HAO2: variants seen among roughly 807,000 people sequenced by gnomAD.
HAO2 encodes the protein 2-Hydroxyacid oxidase 2.
HAO2 carries 42 observed loss-of-function variants against 37.4 expected under a neutral mutation model. That is an observed-to-expected ratio of 1.12 (90% CI 0.88 to 1.45). The LOEUF is 1.45. Ranked by LOEUF, HAO2 falls within the 40% of genes most tolerant of loss-of-function variation. The pLI is 0.00. For missense variants in HAO2, 476 were observed against 430.2 expected (o/e 1.11, Z -0.94); for synonymous variants, 180 against 162.8 (o/e 1.11, Z -0.81).
chr1:119,376,311 G>T (rs1252145383), intron 1 of HAO2, among the ~76,000 whole-genome samples: 4 of 152,190 alleles, frequency 2.6e-5, no homozygotes, highest in Non-Finnish European at 5.9e-5. Flanking sequence ...TGATCTTTTT[G>T]ACTCCATATC....
At chr1:119,379,828 TCTGGCTTGACAGATC>T (rs1223912695) in intron 1 of HAO2, among the ~76,000 whole-genome samples, 1 of 152,126 alleles carries the variant, frequency 6.6e-6, no homozygotes, top group East Asian at 1.9e-4. Context: ...TTCAACAGAA[TCTGGCTTGACAGATC>T]CTGGCTTGAC....
intron 2 of HAO2, 145 bp from the exon 3 acceptor site, chr1:119,382,770 T>C (rs1650054532): frequency 3.0e-6 from 2 of 665,354 alleles, no homozygotes; most frequent in South Asian, 3.9e-5. Context: ...GTTACTCAGC[T>C]CTCAGCCAAC....
intron 1 of HAO2, among the ~76,000 whole-genome samples, chr1:119,373,895 G>T (rs142090313): frequency 6.6e-6 from 1 of 152,112 alleles, no homozygotes; most frequent in Non-Finnish European, 1.5e-5. Flanking sequence ...ACAAAAAAAG[G>T]GCCATTATGG....
At chr1:119,386,226 GTTTT>G (rs1018685835) in intron 4 of HAO2, among the ~76,000 whole-genome samples, 2 of 151,602 alleles carry the variant, frequency 1.3e-5, no homozygotes, top group African/African-American at 4.9e-5. Context: ...TTGTTTGTTT[GTTTT>G]TGAGACAAGG....
Position 119,392,180 on chromosome 1 carries a change from G to A in HAO2, c.842G>A (p.Arg281Gln), listed in dbSNP as rs375715356. ...KIEVYLDGGVRTGNDVLKALA... is the reference protein window; with the variant it reads ...KIEVYLDGGVQTGNDVLKALA... ...GAAGTCTACCTGGATGGCGGGGTCCGAACTGGCAATGATGTGCTGAAGGCT... is the reference window on the plus strand; with the variant it reads ...GAAGTCTACCTGGATGGCGGGGTCCAAACTGGCAATGATGTGCTGAAGGCT... The change falls in exon 6 of 8, where the codon CGA becomes CAA. Residue 281 changes from arginine (R) to glutamine (Q), a missense_variant. Physicochemically the swap from Arg to Gln is conservative, Grantham distance 43 (BLOSUM62 1). Coordinates refer to ENST00000325945, the MANE Select transcript of HAO2 (RefSeq NM_016527.4). 61 of 1,613,136 alleles carry A rather than the reference G, an allele frequency of 3.8e-5. No individual in the cohort carries two copies. Among genetic ancestry groups the A allele is most frequent in the Middle Eastern group, 1.6e-4 (1 of 6,080 alleles).
chr1:119,376,625 C>T (rs1321826594), intron 1 of HAO2, among the ~76,000 whole-genome samples: 2 of 152,194 alleles, frequency 1.3e-5, no homozygotes, highest in Non-Finnish European at 2.9e-5. Context: ...TAGGGCTCTG[C>T]CCCTTTAAGC....
At chr1:119,380,759 T>C (rs771426519) in intron 1 of HAO2, 2 of 1,375,874 alleles carry the variant, frequency 1.5e-6, no homozygotes, top group African/African-American at 2.8e-5. Flanking sequence ...TGTAATAAGC[T>C]TTTAAGAAGT....
intron 1 of HAO2, among the ~76,000 whole-genome samples, chr1:119,374,652 T>G (rs1282301896): frequency 1.3e-5 from 2 of 152,188 alleles, no homozygotes; most frequent in Non-Finnish European, 2.9e-5. Context: ...CAGCCTACCC[T>G]GCAATTTTCA....
intron 5 of HAO2, among the ~76,000 whole-genome samples, chr1:119,387,245 T>C (rs1328554779): frequency 2.0e-5 from 3 of 152,226 alleles, no homozygotes; most frequent in Non-Finnish European, 2.9e-5. Context: ...ATGTGTCTTT[T>C]GCTAAAATCT....
chr1:119,382,787 C>A, intron 2 of HAO2, 128 bp from the exon 3 acceptor site: 1 of 811,758 alleles, frequency 1.2e-6, no homozygotes, highest in Non-Finnish European at 2.0e-6. Flanking sequence ...CAACTGAACC[C>A]ACCAAGGTTC....
intron 1 of HAO2, 44 bp from the exon 2 acceptor site, chr1:119,381,034 G>C (rs776308021): frequency 6.4e-7 from 1 of 1,571,196 alleles, no homozygotes; most frequent in Non-Finnish European, 8.8e-7. Context: ...TGCATCTGAA[G>C]TGTTCTCACT....
Position 119,374,813 on chromosome 1 carries a change from A to T in HAO2, c.-9+5911A>T, listed in dbSNP as rs148071708. Among the ~76,000 whole-genome samples, 874 of 152,350 alleles carry T rather than the reference A, an allele frequency of 5.7e-3. 10 individuals carry two copies. Among genetic ancestry groups the T allele is most frequent in the African/African-American group, 0.02 (838 of 41,580 alleles). Reference sequence around the variant, plus strand: ...CTTTTTATCTGTCTGGTGTTAAATCAGATTGCAATATTAAAGAAAACCACG... The same window carrying T: ...CTTTTTATCTGTCTGGTGTTAAATCTGATTGCAATATTAAAGAAAACCACG... On this transcript the variant is annotated intron_variant, in intron 1 of 7. Transcript: ENST00000325945.
intron 5 of HAO2, among the ~76,000 whole-genome samples, chr1:119,390,230 T>C (rs587617384): frequency 6.6e-6 from 1 of 152,224 alleles, no homozygotes; most frequent in South Asian, 2.1e-4. Context: ...AAGACATTTT[T>C]ATAGTCCCAG....
intron 5 of HAO2, among the ~76,000 whole-genome samples, chr1:119,387,383 G>T (rs1452406932): frequency 6.6e-6 from 1 of 152,034 alleles, no homozygotes; most frequent in East Asian, 1.9e-4. Context: ...TTGTTGATTT[G>T]TTTTCATTGA....
rs892574503 is a variant in HAO2, at chr1:119,380,856, TTGGGAA to T, written c.-8-204_-8-199del. On this transcript the variant is annotated intron_variant, in intron 1 of 7. Transcript: ENST00000325945. ...ACTCAGAAGGCCAAATAATCAGGAT[TTGGGAA>T]TGGGAATGGGAATGGGAGAATGGAA... 3.5e-4 allele frequency: 255 copies of T among 725,936 alleles called. 1 individual carries two copies. The highest frequency in any genetic ancestry group is 3.2e-3 in the Middle Eastern group (13 of 4,110). 45.0% of individuals were successfully genotyped at this position (725,936 alleles called of 1,614,324 possible).
At chr1:119,393,482 C>G (rs1286240764) in intron 7 of HAO2, among the ~76,000 whole-genome samples, 2 of 152,016 alleles carry the variant, frequency 1.3e-5, no homozygotes, top group Admixed American at 6.6e-5. Context: ...TTATCAGAAC[C>G]AAGATAAAGA....
intron 5 of HAO2, among the ~76,000 whole-genome samples, chr1:119,387,277 C>T (rs1557854166): frequency 6.6e-6 from 1 of 152,006 alleles, no homozygotes; most frequent in Admixed American, 6.6e-5. Context: ...TAATTTTTTC[C>T]CTTAACTCAT....
rs758079829 is a variant in HAO2 at position 119,382,941 on chromosome 1, G to C, written c.158G>C (p.Arg53Thr). 6.2e-7 allele frequency: 1 copy of C among 1,613,830 alleles called. No homozygotes were observed. The highest frequency in any genetic ancestry group is 8.5e-7 in the Non-Finnish European group (1 of 1,179,786). ...KRIRLRPRYL[R>T]DVSEVDTRTT... ...ATTCGCCTCCGTCCGCGGTACCTGA[G>C]AGATGTGTCTGAGGTGGACACCAGA... Residue 53 changes from arginine (R) to threonine (T), a missense_variant, in exon 3 of 8, where the codon AGA becomes ACA. By Grantham distance (71) the Arg-to-Thr change is moderately conservative. Transcript: ENST00000325945.
intron 5 of HAO2, among the ~76,000 whole-genome samples, chr1:119,387,399 A>AT (rs1364429237): frequency 1.3e-5 from 2 of 152,106 alleles, no homozygotes; most frequent in African/African-American, 4.8e-5. Flanking sequence ...ATTGAGTTAT[A>AT]TTTTTTCAAA....
Sources: allele counts gnomAD v4.1 joint callset (sites outside exome capture counted in the v4.1 genomes callset), GRCh38; gene constraint gnomAD v4.1.1; transcripts MANE v1.5; gene names NCBI Gene and HGNC (gene_info 2026-07-23, HGNC 2026-07-21).